Variants in RAPGEF2 observed in about 807,000 individuals in gnomAD.
The protein encoded by RAPGEF2 is PDZ domain containing guanine nucleotide exchange factor (GEF) 1.
In RAPGEF2, 54 loss-of-function variants were observed where a neutral mutation model predicts 186.7. That is an observed-to-expected ratio of 0.29 (90% confidence interval 0.23 to 0.36). The LOEUF (loss-of-function observed/expected upper bound fraction) is 0.36, where lower values mean the gene tolerates loss of function less well. Among genes scored for constraint, RAPGEF2 ranks in the 10% least tolerant of loss-of-function variants. The pLI is 1.00. For synonymous variants in RAPGEF2, 712 were observed against 705.9 expected, an observed-to-expected ratio of 1.01 and a Z score of -0.14; for missense variants, 1,532 against 2,045.0, an observed-to-expected ratio of 0.75 and a Z score of 4.84.
chr4:159,164,728 AT>A (rs1745112439), intron 1 of RAPGEF2, among the ~76,000 whole-genome samples: 1 of 152,180 alleles, frequency 6.6e-6, no homozygotes, highest in African/African-American at 2.4e-5. Flanking sequence ...CTTGAAACTG[AT>A]ATTTTGGTTT....
intron 20 of RAPGEF2, 79 bp from the exon 21 acceptor site, chr4:159,342,900 A>G (rs1321049482): frequency 3.3e-6 from 4 of 1,224,536 alleles, no homozygotes; most frequent in South Asian, 2.8e-5. Flanking sequence ...GCATAAACAT[A>G]GAGATGTTAT....
intron 1 of RAPGEF2, among the ~76,000 whole-genome samples, chr4:159,125,614 C>T (rs550634401): frequency 3.9e-5 from 6 of 152,014 alleles, no homozygotes; most frequent in South Asian, 2.1e-4. Flanking sequence ...AAAATTTAGC[C>T]GGGCATGGTG....
At chr4:159,140,618 C>G (rs1021961366) in intron 1 of RAPGEF2, among the ~76,000 whole-genome samples, 1 of 151,906 alleles carries the variant, frequency 6.6e-6, no homozygotes, top group Non-Finnish European at 1.5e-5. Context: ...GTTCTAATTA[C>G]CGGGGGATCA....
intron 7 of RAPGEF2, among the ~76,000 whole-genome samples, chr4:159,257,796 G>C (rs1229295349): frequency 6.6e-6 from 1 of 152,152 alleles, no homozygotes; most frequent in Non-Finnish European, 1.5e-5. Context: ...GTCTGTTTTT[G>C]TAACAGTACC....
intron 7 of RAPGEF2, among the ~76,000 whole-genome samples, chr4:159,294,634 T>TTCCTTCCTTC (rs1554029084): frequency 0.066 from 8,766 of 133,090 alleles, 507 homozygotes; most frequent in Admixed American, 0.098. Flanking sequence ...AGCTTCCATT[T>TTCCTTCCTTC]CTTCCTTCCT....
At position 159,297,559 on chromosome 4, in the gene RAPGEF2, A is replaced by T. The variant is rs530634685; in HGVS notation, c.544-6783A>T. On this transcript the variant is annotated intron_variant, in intron 7 of 29. Transcript: ENST00000691494. ...GAAAATGAAGTTATTTAGTTTGCAA[A>T]ATGTATTATGGTATTCTAAGCAGTG... Among the ~76,000 whole-genome samples the T allele has an allele frequency of 3.9e-5, 6 of 152,316 alleles. No individual in the cohort carries two copies. In the South Asian group the frequency reaches 1.2e-3, roughly 32 times the overall value.
At chr4:159,240,699 T>C (rs1753875189) in intron 5 of RAPGEF2, among the ~76,000 whole-genome samples, 1 of 151,870 alleles carries the variant, frequency 6.6e-6, no homozygotes, top group Admixed American at 6.6e-5. Flanking sequence ...ACCGAAGTCA[T>C]GGAATGAAAG....
Position 159,353,939 on chromosome 4 carries a change from T to C in RAPGEF2, c.4544T>C (p.Ile1515Thr), listed in dbSNP as rs1561343469. 3.1e-6 allele frequency: 5 copies of C among 1,613,990 alleles called. No individual in the cohort carries two copies. Among genetic ancestry groups the C allele is most frequent in the Admixed American group, 1.7e-5 (1 of 60,010 alleles). Residue 1515 changes from isoleucine (I) to threonine (T), a missense_variant, in exon 28 of 30, where the codon ATT (isoleucine) becomes ACT (threonine). Ile to Thr is a moderately conservative substitution (Grantham distance 89). This residue lies in a region of RAPGEF2 where 594 missense variants were observed against 608.5 expected (regional missense o/e 0.98). Transcript: ENST00000691494. The surrounding 1 kb of genome is among the most constrained non-coding windows in gnomAD (Gnocchi z 4.3). The part of the protein sequence containing the change: ...IKRRGGKDVS[I>T]EAESSSLTSV... ...CGGAGGGGTGGAAAGGATGTTTCCA[T>C]TGAAGCCGAAAGCAGTAGCCTAACG...
At chr4:159,140,528 G>A (rs1742199420) in intron 1 of RAPGEF2, among the ~76,000 whole-genome samples, 1 of 152,156 alleles carries the variant, frequency 6.6e-6, no homozygotes. Context: ...AGCTTTAAAT[G>A]TTACAAGTAT....
chr4:159,160,120 A>G (rs979869936), intron 1 of RAPGEF2, among the ~76,000 whole-genome samples: 1 of 152,204 alleles, frequency 6.6e-6, no homozygotes, highest in Non-Finnish European at 1.5e-5. Flanking sequence ...TAGTTGTGCA[A>G]AGGCTTTAGT....
chr4:159,181,960 A>T (rs1747057901), intron 1 of RAPGEF2, among the ~76,000 whole-genome samples: 1 of 152,212 alleles, frequency 6.6e-6, no homozygotes, highest in Non-Finnish European at 1.5e-5. Flanking sequence ...TTTCATTGGG[A>T]CATTTTTATT....
intron 7 of RAPGEF2, among the ~76,000 whole-genome samples, chr4:159,246,649 A>G (rs1754655225): frequency 6.6e-6 from 1 of 152,160 alleles, no homozygotes; most frequent in Admixed American, 6.5e-5. Context: ...ACATTACAGC[A>G]TTTAGTTTCC....
rs374199273 is a variant in RAPGEF2 at position 159,355,962 on chromosome 4, G to A, written c.4761G>A (p.Pro1587=). Residue 1587 remains proline (P), a synonymous_variant, in exon 29 of 30, where the codon CCG becomes CCA. Transcript: ENST00000691494. ...ACTCCCATCCAGCCAGGAAACCGCCGGACTACAACGTGGCCCTTCAGAGAT... is the reference window on the plus strand; with the variant it reads ...ACTCCCATCCAGCCAGGAAACCGCCAGACTACAACGTGGCCCTTCAGAGAT... ...EGHSHPARKP[P]DYNVALQRSR... 1.6e-5 allele frequency: 22 copies of A among 1,350,974 alleles called. No homozygotes were observed. Among genetic ancestry groups the A allele is most frequent in the East Asian group, 4.9e-5 (1 of 20,516 alleles). 83.7% of individuals were successfully genotyped at this position (1,350,974 alleles called of 1,614,324 possible).
At chr4:159,278,004 C>T (rs1352733549) in intron 7 of RAPGEF2, among the ~76,000 whole-genome samples, 1 of 152,170 alleles carries the variant, frequency 6.6e-6, no homozygotes, top group African/African-American at 2.4e-5. Context: ...GTGTTTTAGT[C>T]ATGAAGTCCT....
intron 7 of RAPGEF2, among the ~76,000 whole-genome samples, chr4:159,296,432 C>T (rs1762035440): frequency 6.6e-6 from 1 of 152,058 alleles, no homozygotes; most frequent in Admixed American, 6.6e-5. Flanking sequence ...TTGATTGTTC[C>T]ATCAATATCC....
chr4:159,351,167 G>A (rs1217556330), intron 26 of RAPGEF2: 3 of 1,534,856 alleles, frequency 2.0e-6, no homozygotes, highest in Non-Finnish European at 2.6e-6. Context: ...AATGCACCAC[G>A]GACCTATGGG....
In RAPGEF2 at chr4:159,134,605, A is replaced by G. The variant is rs1741483077; in HGVS notation, c.69+30374A>G. Among the ~76,000 whole-genome samples the G allele has an allele frequency of 1.3e-5, 2 of 152,236 alleles. 1 individual carries two copies. Among genetic ancestry groups the G allele is most frequent in the South Asian group, 4.1e-4 (2 of 4,830 alleles). ...ATTTTATTTCTGCCAGCAATGTACA[A>G]AAGTTTCAGTTCTGCATCCTCGTCA... is the stretch of plus-strand genomic sequence containing the variant. On this transcript the variant is annotated intron_variant, in intron 1 of 29. Transcript: ENST00000691494.
chr4:159,160,008 A>G (rs927454368), intron 1 of RAPGEF2, among the ~76,000 whole-genome samples: 1 of 152,208 alleles, frequency 6.6e-6, no homozygotes, highest in African/African-American at 2.4e-5. Context: ...CTAATAGCTA[A>G]GTATGAAATG....
intron 1 of RAPGEF2, among the ~76,000 whole-genome samples, chr4:159,121,252 A>G (rs1460360214): frequency 1.3e-5 from 2 of 152,182 alleles, no homozygotes; most frequent in African/African-American, 4.8e-5. Flanking sequence ...ACTTGGTGGT[A>G]CAGGGAAAAA....
Sources: allele counts gnomAD v4.1 joint callset (sites outside exome capture counted in the v4.1 genomes callset), GRCh38; gene constraint gnomAD v4.1.1; regional missense constraint gnomAD v4.1.1; non-coding constraint Gnocchi (gnomAD v3.1); transcripts MANE v1.5; gene names NCBI Gene and HGNC (gene_info 2026-07-23, HGNC 2026-07-21).